Variants in CHI3L2 observed in about 807,000 individuals in gnomAD.
The protein encoded by CHI3L2 is chitinase-3-like protein 2.
Under a neutral mutation model 47.3 loss-of-function variants are expected in CHI3L2, and 47 were observed. The observed-to-expected ratio is 0.99, with a 90% CI of 0.79 to 1.27. The LOEUF is 1.27. CHI3L2 is among the 50% of genes most tolerant of loss of function. The pLI, the probability that CHI3L2 is intolerant of heterozygous loss-of-function variation, is 0.00. For synonymous variants in CHI3L2, 198 were observed against 169.9 expected (o/e 1.17, Z -1.28); for missense variants, 497 against 462.1 (o/e 1.08, Z -0.69).
intron 4 of CHI3L2, among the ~76,000 whole-genome samples, chr1:111,233,779 A>C (rs1278943598): frequency 6.6e-6 from 1 of 151,912 alleles, no homozygotes; most frequent in African/African-American, 2.4e-5. Flanking sequence ...AGATTGAGAA[A>C]TCGGATGGTT....
At chr1:111,232,679 G>C (rs1268986603) in intron 4 of CHI3L2, among the ~76,000 whole-genome samples, 2 of 152,146 alleles carry the variant, frequency 1.3e-5, no homozygotes, top group Non-Finnish European at 2.9e-5. Context: ...GTTATTATTA[G>C]GTAAATGCCA....
intron 2 of CHI3L2, 61 bp downstream of exon 2, chr1:111,229,942 T>G (rs765201766): frequency 1.3e-5 from 20 of 1,590,140 alleles, no homozygotes; most frequent in Non-Finnish European, 1.4e-5. Context: ...TCATTTTTGA[T>G]GTACAGTTTC....
rs759562922 is a variant in CHI3L2, at chr1:111,235,641, G to A, written c.483G>A (p.Glu161=). The A allele has an allele frequency of 2.5e-6, 4 of 1,613,738 alleles. No homozygotes were observed. Among genetic ancestry groups the A allele is most frequent in the Admixed American group, 3.3e-5 (2 of 59,976 alleles). Residue 161 remains glutamate, a splice_region_variant and synonymous_variant, in exon 6 of 11, where the codon GAG becomes GAA. Coordinates refer to ENST00000369748, the MANE Select transcript of CHI3L2 (RefSeq NM_004000.3). ...CCTCGTTTCTTTGTTTTTCCTAGGAGTTAGCAGAAGCCTTTCAGAAGGACT... is the reference window on the plus strand; with the variant it reads ...CCTCGTTTCTTTGTTTTTCCTAGGAATTAGCAGAAGCCTTTCAGAAGGACT... ...ENTHFTVLIH[E]LAEAFQKDFT... is the part of the protein sequence containing the mutation.
At position 111,238,945 on chromosome 1, in the gene CHI3L2, C is replaced by T. The variant is rs374279719; in HGVS notation, c.918+13C>T. ...GGCCTATTATGAGGTACCTGGAAAC[C>T]CCCTGTACCCTCAGCTCCCTGCCAT... On this transcript the variant is annotated intron_variant, in intron 8 of 10. Coordinates refer to ENST00000369748, the MANE Select transcript of CHI3L2 (RefSeq NM_004000.3). The T allele has an allele frequency of 3.8e-6, 6 of 1,564,734 alleles. No homozygotes were observed. Among genetic ancestry groups the T allele is most frequent in the African/African-American group, 1.4e-5 (1 of 72,420 alleles).
At chr1:111,230,646 A>G in intron 2 of CHI3L2, 96 bp from the exon 3 acceptor site, 1 of 1,017,748 alleles carries the variant, frequency 9.8e-7, no homozygotes, top group South Asian at 1.4e-5. Flanking sequence ...AGAATGAGCA[A>G]ATGATGCAAT....
intron 10 of CHI3L2, among the ~76,000 whole-genome samples, chr1:111,242,834 C>T (rs1310747530): frequency 6.6e-6 from 1 of 152,178 alleles, no homozygotes. Flanking sequence ...CTCCCATGGT[C>T]ATTATTGCTA....
At chr1:111,233,782 G>A (rs12029513) in intron 4 of CHI3L2, among the ~76,000 whole-genome samples, 13,555 of 151,766 alleles carry the variant, frequency 0.089, 928 homozygotes, top group East Asian at 0.35. Flanking sequence ...TTGAGAAATC[G>A]GATGGTTGCC....
intron 7 of CHI3L2, 72 bp from the exon 8 acceptor site, chr1:111,238,678 G>T: frequency 1.3e-6 from 2 of 1,509,170 alleles, no homozygotes. Context: ...TGAAGTTTGG[G>T]ATAGAGGCTA....
chr1:111,229,797 G>A lies in CHI3L2; in HGVS notation c.41-55G>A, dbSNP rs1475919793. 2.9e-5 allele frequency: 47 copies of A among 1,611,274 alleles called. No individual in the cohort carries two copies. In the Admixed American group the frequency reaches 7.2e-4, roughly 25 times the overall value. On this transcript the variant is annotated intron_variant, in intron 1 of 10. Transcript: ENST00000369748. ...CCACATTTTCACTGCCATTATCTGG[G>A]ACAGCAGAACCAGGTTTGGCTCAAC...
chr1:111,241,612 G>A (rs1351475592), intron 9 of CHI3L2, among the ~76,000 whole-genome samples, 169 bp downstream of exon 9: 4 of 152,130 alleles, frequency 2.6e-5, no homozygotes, highest in East Asian at 1.9e-4. Context: ...TCACACCCGC[G>A]AGCAGCTGTG....
chr1:111,234,785 A>G (rs1659828125), intron 4 of CHI3L2, 122 bp from the exon 5 acceptor site: 8 of 899,750 alleles, frequency 8.9e-6, no homozygotes, highest in Non-Finnish European at 1.2e-5. Context: ...AAGCATTAGA[A>G]TAGACAAATT....
intron 5 of CHI3L2, 50 bp from the exon 6 acceptor site, chr1:111,235,589 C>G (rs1659855988): frequency 6.3e-7 from 1 of 1,590,254 alleles, no homozygotes; most frequent in African/African-American, 1.3e-5. Context: ...AAGCTTAGCA[C>G]TGTACTCTGG....
chr1:111,236,027 T>A lies in CHI3L2; in HGVS notation c.609T>A (p.Asp203Glu), dbSNP rs760312603. The A allele has an allele frequency of 1.9e-6, 3 of 1,613,988 alleles. No individual in the cohort carries two copies. Among genetic ancestry groups the A allele is most frequent in the African/African-American group, 2.7e-5 (2 of 74,932 alleles). ...CCCATTGCTTTTGGCACTTTAGAGATCTGGATTTCATCAACCTCCTGTCCT... is the reference window on the plus strand; with the variant it reads ...CCCATTGCTTTTGGCACTTTAGAGAACTGGATTTCATCAACCTCCTGTCCT... ...NSYQVEKLAK[D>E]LDFINLLSFD... The change falls in exon 7 of 11, where the codon GAT becomes GAA. Residue 203 changes from aspartate to glutamate, a missense_variant. Coordinates refer to ENST00000369748, the MANE Select transcript of CHI3L2 (RefSeq NM_004000.3).
chr1:111,234,897 T>C lies in CHI3L2; in HGVS notation c.330-10T>C. On this transcript the variant is annotated splice_polypyrimidine_tract_variant and intron_variant, in intron 4 of 10. Transcript: ENST00000369748. ...CTTTCCAAAAAGACACTCGTATTGC[T>C]TCTTTCCAGGTTCCACCCTATGGTG... 6.2e-7 allele frequency: 1 copy of C among 1,613,458 alleles called. No homozygotes were observed. The highest frequency in any genetic ancestry group is 2.2e-5 in the East Asian group (1 of 44,876).
chr1:111,235,351 C>G (rs1263097904), intron 5 of CHI3L2, among the ~76,000 whole-genome samples: 1 of 152,154 alleles, frequency 6.6e-6, no homozygotes, highest in African/African-American at 2.4e-5. Flanking sequence ...ATAGGATTTC[C>G]TGAGTACTGA....
chr1:111,235,472 C>T (rs184377464), intron 5 of CHI3L2, among the ~76,000 whole-genome samples, 167 bp from the exon 6 acceptor site: 1 of 152,300 alleles, frequency 6.6e-6, no homozygotes, highest in East Asian at 1.9e-4. Flanking sequence ...AATGTGGAGA[C>T]TTCCTGAGCA....
chr1:111,233,987 A>C (rs1171779008), intron 4 of CHI3L2, among the ~76,000 whole-genome samples: 1 of 150,654 alleles, frequency 6.6e-6, no homozygotes, highest in Non-Finnish European at 1.5e-5. Context: ...CAGATGCTTG[A>C]AGGCAGCATG....
At chr1:111,242,642 A>G in intron 10 of CHI3L2, 1 of 249,868 alleles carries the variant, frequency 4.0e-6, no homozygotes, top group Non-Finnish European at 7.6e-6. Flanking sequence ...TTAGGGATAA[A>G]TATTGACACC....
intron 9 of CHI3L2, among the ~76,000 whole-genome samples, chr1:111,241,897 A>T (rs1274267902): frequency 6.6e-6 from 1 of 152,224 alleles, no homozygotes; most frequent in African/African-American, 2.4e-5. Context: ...TGGTTAGAAC[A>T]AAAAGGAGGC....
Sources: gnomAD v4.1 joint callset for allele counts (sites outside exome capture counted in the v4.1 genomes callset) on GRCh38, gnomAD v4.1.1 for gene constraint, MANE v1.5 for transcripts, NCBI Gene and HGNC (gene_info 2026-07-23, HGNC 2026-07-21) for gene names.